CDH4: variants seen among roughly 807,000 people sequenced by gnomAD.
CDH4 encodes the protein cadherin-4.
In CDH4, 33 loss-of-function variants were observed where a neutral mutation model predicts 86.0. The ratio of observed to expected loss-of-function variants is 0.38; its 90% CI spans 0.29 to 0.51. The LOEUF (loss-of-function observed/expected upper bound fraction) is 0.51, where lower values mean the gene tolerates loss of function less well. CDH4 is among the 20% of genes least tolerant of loss of function. CDH4 has a pLI of 0.86. For synonymous variants in CDH4, 555 were observed against 549.4 expected (o/e 1.01, Z -0.14); for missense variants, 1,114 against 1,307.4 (o/e 0.85, Z 2.28).
intron 4 of CDH4, among the ~76,000 whole-genome samples, chr20:61,814,578 A>T (rs985159586): frequency 6.6e-6 from 1 of 152,266 alleles, no homozygotes; most frequent in Non-Finnish European, 1.5e-5. Context: ...GCAGTGTGCA[A>T]TTAAGCTGCT....
At chr20:61,546,402 C>T (rs891407156) in intron 2 of CDH4, among the ~76,000 whole-genome samples, 5 of 150,132 alleles carry the variant, frequency 3.3e-5, no homozygotes, top group African/African-American at 7.4e-5. Flanking sequence ...CATGCATGTG[C>T]GTGTGTGTGT....
intron 2 of CDH4, among the ~76,000 whole-genome samples, chr20:61,354,912 C>T (rs1038592855): frequency 3.3e-5 from 5 of 152,204 alleles, no homozygotes; most frequent in East Asian, 1.9e-4. Context: ...CAGCTTACTC[C>T]GCACCTAAGA....
At chr20:61,855,659 G>A (rs562739260) in intron 6 of CDH4, among the ~76,000 whole-genome samples, 34 of 152,338 alleles carry the variant, frequency 2.2e-4, no homozygotes, top group African/African-American at 6.5e-4. Flanking sequence ...TCCCAAAAGC[G>A]CAATTGGCTT....
intron 2 of CDH4, among the ~76,000 whole-genome samples, chr20:61,314,437 G>A (rs2084465430): frequency 6.6e-6 from 1 of 152,174 alleles, no homozygotes; most frequent in African/African-American, 2.4e-5. Context: ...TTGTTGAAAT[G>A]CCAGGATTTC....
At chr20:61,358,805 G>A (rs543010568) in intron 2 of CDH4, among the ~76,000 whole-genome samples, 1 of 152,214 alleles carries the variant, frequency 6.6e-6, no homozygotes, top group African/African-American at 2.4e-5. Flanking sequence ...TTTAATGCGG[G>A]GGGGAAGGAG....
intron 7 of CDH4, among the ~76,000 whole-genome samples, chr20:61,881,140 C>T (rs751014848): frequency 2.0e-5 from 3 of 152,216 alleles, no homozygotes; most frequent in East Asian, 1.9e-4. Flanking sequence ...CCATGCTGAG[C>T]GGGGTCACAG....
chr20:61,521,017 AG>A (rs911402268), intron 2 of CDH4, among the ~76,000 whole-genome samples: 2 of 152,150 alleles, frequency 1.3e-5, no homozygotes, highest in African/African-American at 2.4e-5. Context: ...CCCAGGCTGC[AG>A]GGGGGCCCGC....
At chr20:61,688,301 T>G (rs1389930550) in intron 2 of CDH4, among the ~76,000 whole-genome samples, 1 of 152,052 alleles carries the variant, frequency 6.6e-6, no homozygotes, top group Non-Finnish European at 1.5e-5. Context: ...TTTGTCTTTC[T>G]CCCTCCTCCC....
intron 4 of CDH4, among the ~76,000 whole-genome samples, chr20:61,800,587 G>A (rs772656920): frequency 1.3e-5 from 2 of 152,236 alleles, no homozygotes; most frequent in African/African-American, 4.8e-5. Context: ...GGGCAGAGCG[G>A]GGCTGCAGTG....
At chr20:61,804,681 G>C (rs187325467) in intron 4 of CDH4, among the ~76,000 whole-genome samples, 246 of 152,342 alleles carry the variant, frequency 1.6e-3, no homozygotes, top group Middle Eastern at 6.8e-3. Flanking sequence ...TCCTCCAGGG[G>C]AGGGAGTGGC....
At chr20:61,464,422 T>G (rs564460872) in intron 2 of CDH4, among the ~76,000 whole-genome samples, 56 of 152,322 alleles carry the variant, frequency 3.7e-4, no homozygotes, top group African/African-American at 1.3e-3. Flanking sequence ...ACGCTGCTAC[T>G]ACAATTCAGT....
chr20:61,843,314 G>A (rs1343591835), intron 4 of CDH4, among the ~76,000 whole-genome samples: 1 of 151,632 alleles, frequency 6.6e-6, no homozygotes, highest in Non-Finnish European at 1.5e-5. Flanking sequence ...GCCGGGCGCG[G>A]TGGCGGGCGC....
chr20:61,918,096 C>T (rs4925208), intron 9 of CDH4, among the ~76,000 whole-genome samples: 44,549 of 152,256 alleles, frequency 0.29, 7,710 homozygotes, highest in Non-Finnish European at 0.4. Flanking sequence ...CAGCTGCAGG[C>T]GTTGGCATGG....
intron 2 of CDH4, among the ~76,000 whole-genome samples, chr20:61,387,417 CAG>C (rs1696926540): frequency 1.5e-5 from 2 of 137,230 alleles, no homozygotes; most frequent in South Asian, 4.4e-4. Context: ...CACAAACACA[CAG>C]AGACACACAG....
chr20:61,767,284 C>G (rs754723591), intron 3 of CDH4, among the ~76,000 whole-genome samples: 4 of 152,238 alleles, frequency 2.6e-5, no homozygotes, highest in Non-Finnish European at 4.4e-5. Flanking sequence ...TGGCTTAAGT[C>G]TGTCCACTGA....
intron 5 of CDH4, among the ~76,000 whole-genome samples, chr20:61,851,759 C>T (rs989857539): frequency 1.3e-5 from 2 of 152,180 alleles, no homozygotes; most frequent in African/African-American, 4.8e-5. Context: ...CTGCCTTGGC[C>T]TGTTCTTGAG....
chr20:61,710,482 T>C (rs1184211406), intron 2 of CDH4, among the ~76,000 whole-genome samples: 2 of 152,188 alleles, frequency 1.3e-5, no homozygotes, highest in African/African-American at 4.8e-5. Context: ...CTGGGGAGCT[T>C]CAGATGCACG....
chr20:61,920,145 T>TCAC (rs2054958533), intron 9 of CDH4, among the ~76,000 whole-genome samples: 1 of 44,216 alleles, frequency 2.3e-5, no homozygotes, highest in Non-Finnish European at 4.7e-5. Flanking sequence ...AAGCGTGGTT[T>TCAC]TGTGATTGCA....
intron 4 of CDH4, among the ~76,000 whole-genome samples, chr20:61,843,662 C>T (rs551798358): frequency 1.7e-4 from 26 of 148,696 alleles, no homozygotes; most frequent in African/African-American, 6.0e-4. Context: ...TACTGCACTC[C>T]AGGTGACAGA....
Sources: allele counts gnomAD v4.1 joint callset (sites outside exome capture counted in the v4.1 genomes callset), GRCh38; gene constraint gnomAD v4.1.1; transcripts MANE v1.5; gene names NCBI Gene and HGNC (gene_info 2026-07-23, HGNC 2026-07-21).